Variants in SLC35F4 observed in about 807,000 individuals in gnomAD.
SLC35F4 encodes the protein solute carrier family 35 member F4, also known as chromosome 14 open reading frame 36.
A neutral mutation model predicts 44.2 loss-of-function variants in SLC35F4; 24 were observed. The ratio of observed to expected loss-of-function variants is 0.54; its 90% CI spans 0.39 to 0.76. The LOEUF (loss-of-function observed/expected upper bound fraction) is 0.76. Ranked by LOEUF, SLC35F4 falls within the 30% of genes least tolerant of loss-of-function variation. The pLI is 0.00. For synonymous variants in SLC35F4, 238 were observed against 223.6 expected, an observed-to-expected ratio of 1.06 and a Z score of -0.57; for missense variants, 562 against 586.1, an observed-to-expected ratio of 0.96 and a Z score of 0.42.
At chr14:57,849,125 C>G (rs1017835937) in intron 1 of SLC35F4, among the ~76,000 whole-genome samples, 2 of 152,180 alleles carry the variant, frequency 1.3e-5, no homozygotes, top group African/African-American at 4.8e-5. Context: ...GAGTCCTTCA[C>G]TCTAGAATAT....
chr14:57,626,711 C>G (rs2072493741), intron 1 of SLC35F4, among the ~76,000 whole-genome samples: 1 of 152,112 alleles, frequency 6.6e-6, no homozygotes, highest in South Asian at 2.1e-4. Flanking sequence ...TTCAAAATAT[C>G]AGAAACATGA....
intron 1 of SLC35F4, among the ~76,000 whole-genome samples, chr14:57,935,914 G>T (rs1273876334): frequency 6.6e-6 from 1 of 152,168 alleles, no homozygotes; most frequent in Non-Finnish European, 1.5e-5. Flanking sequence ...AAATGAATTT[G>T]AAAGTAAGTT....
intron 4 of SLC35F4, among the ~76,000 whole-genome samples, chr14:57,576,591 CT>C (rs2068804784): frequency 6.6e-6 from 1 of 152,050 alleles, no homozygotes; most frequent in Non-Finnish European, 1.5e-5. Flanking sequence ...GGAAAACTTT[CT>C]TTTTTACTCA....
chr14:57,601,875 C>G (rs1274704894), intron 1 of SLC35F4, among the ~76,000 whole-genome samples: 1 of 152,108 alleles, frequency 6.6e-6, no homozygotes, highest in Non-Finnish European at 1.5e-5. Context: ...TTTACTATCC[C>G]CATTTTTTAC....
intron 1 of SLC35F4, among the ~76,000 whole-genome samples, chr14:57,664,117 G>A (rs986204526): frequency 2.0e-5 from 3 of 152,066 alleles, no homozygotes; most frequent in African/African-American, 7.2e-5. Flanking sequence ...ATTCAGTGTT[G>A]CCTACCACCT....
intron 1 of SLC35F4, among the ~76,000 whole-genome samples, chr14:57,856,349 G>T (rs1887088445): frequency 6.6e-6 from 1 of 152,004 alleles, no homozygotes. Context: ...TAGCATAGCA[G>T]GAGTATAGAC....
chr14:57,670,294 TG>T (rs1322435096), intron 1 of SLC35F4, among the ~76,000 whole-genome samples: 9 of 152,202 alleles, frequency 5.9e-5, no homozygotes, highest in South Asian at 2.1e-4. Flanking sequence ...CTGGATTCAT[TG>T]AATTTTTTGA....
At chr14:57,657,762 G>T (rs2074012343) in intron 1 of SLC35F4, among the ~76,000 whole-genome samples, 1 of 152,016 alleles carries the variant, frequency 6.6e-6, no homozygotes, top group South Asian at 2.1e-4. Flanking sequence ...ATTATTCTGG[G>T]GTTTCTAAAC....
chr14:57,800,567 G>A (rs906087075), intron 1 of SLC35F4, among the ~76,000 whole-genome samples: 10 of 152,054 alleles, frequency 6.6e-5, no homozygotes, highest in Non-Finnish European at 1.0e-4. Flanking sequence ...AACAAACTTC[G>A]CTGAGCTAAA....
At chr14:57,832,143 C>T (rs1025782226) in intron 1 of SLC35F4, among the ~76,000 whole-genome samples, 9 of 152,184 alleles carry the variant, frequency 5.9e-5, no homozygotes, top group African/African-American at 9.7e-5. Flanking sequence ...GGTTGAAGGA[C>T]GCTAGGAGGC....
intron 1 of SLC35F4, among the ~76,000 whole-genome samples, chr14:57,722,043 T>C (rs2076097825): frequency 6.6e-6 from 1 of 152,016 alleles, no homozygotes; most frequent in African/African-American, 2.4e-5. Flanking sequence ...CATGAGGAGG[T>C]ACACTACACT....
intron 1 of SLC35F4, among the ~76,000 whole-genome samples, chr14:57,806,166 G>A (rs1049402584): frequency 6.6e-6 from 1 of 152,038 alleles, no homozygotes; most frequent in East Asian, 1.9e-4. Context: ...TACCAAAAAA[G>A]GTGAAAAGCA....
intron 1 of SLC35F4, among the ~76,000 whole-genome samples, chr14:57,753,184 T>C (rs954199073): frequency 6.6e-6 from 1 of 152,116 alleles, no homozygotes; most frequent in Non-Finnish European, 1.5e-5. Flanking sequence ...TTTGATGAAG[T>C]GGTGGTTTCT....
In SLC35F4 at chr14:57,596,771, C is replaced by G. The variant is rs765600767; in HGVS notation, c.104-2647G>C. 3 of 1,364,836 alleles carry G rather than the reference C, an allele frequency of 2.2e-6. No individual in the cohort carries two copies. The East Asian group carries it at 1.4e-4, about 62-fold the overall frequency. The allele number at this position is 1,364,836 out of a possible 1,614,324, so 84.5% of individuals were successfully genotyped here. A position where few individuals can be genotyped will look rare whatever the true frequency, so the allele number is the denominator to read the frequency against. On this transcript the variant is annotated intron_variant, in intron 1 of 7. Transcript: ENST00000556826. ...GATTTATCTTCCTTTCTCATTTTCA[C>G]TAAAATATTATGTCCTGGCTTCCAT... is the stretch of plus-strand genomic sequence containing the variant.
At chr14:57,857,498 T>C (rs1405649970) in intron 1 of SLC35F4, among the ~76,000 whole-genome samples, 1 of 152,110 alleles carries the variant, frequency 6.6e-6, no homozygotes, top group Non-Finnish European at 1.5e-5. Context: ...TTTCTTTTTC[T>C]GTGTGAAAAT....
chr14:57,901,572 T>C (rs1225672283), intron 1 of SLC35F4, among the ~76,000 whole-genome samples: 1 of 152,090 alleles, frequency 6.6e-6, no homozygotes, highest in Non-Finnish European at 1.5e-5. Flanking sequence ...AGCTAATGGA[T>C]GCTGGGCTTA....
At chr14:57,855,326 A>T (rs1052042401) in intron 1 of SLC35F4, among the ~76,000 whole-genome samples, 4 of 152,226 alleles carry the variant, frequency 2.6e-5, no homozygotes, top group African/African-American at 9.6e-5. Context: ...CAAAGAACTT[A>T]AACAAATTTA....
chr14:57,873,695 C>T (rs939774313), intron 1 of SLC35F4, among the ~76,000 whole-genome samples: 1 of 151,940 alleles, frequency 6.6e-6, no homozygotes, highest in African/African-American at 2.4e-5. Context: ...TTCCATTTTC[C>T]AAGTGTTCTG....
intron 1 of SLC35F4, among the ~76,000 whole-genome samples, chr14:57,722,699 C>T (rs562701889): frequency 1.3e-5 from 2 of 152,312 alleles, no homozygotes; most frequent in East Asian, 3.9e-4. Context: ...TTCTGTAGAG[C>T]TCTGGCATTG....
Sources: gnomAD v4.1 joint callset for allele counts (sites outside exome capture counted in the v4.1 genomes callset) on GRCh38, gnomAD v4.1.1 for gene constraint, MANE v1.5 for transcripts, NCBI Gene and HGNC (gene_info 2026-07-23, HGNC 2026-07-21) for gene names.